Variants in SPAG16 observed in about 807,000 individuals in gnomAD.
The protein encoded by SPAG16 is sperm associated antigen 16, also known as sperm-associated antigen 16 protein.
A neutral mutation model predicts 80.4 loss-of-function variants in SPAG16; 86 were observed. The observed-to-expected ratio is 1.07, with a 90% confidence interval of 0.90 to 1.28. The LOEUF is 1.28. Among genes scored for constraint, SPAG16 ranks in the 50% most tolerant of loss-of-function variants. SPAG16 has a pLI of 0.00. For missense variants in SPAG16, 870 were observed against 765.3 expected (o/e 1.14, Z -1.61); for synonymous variants, 294 against 265.9 (o/e 1.11, Z -1.03).
rs546221142 is a variant in SPAG16 at position 213,922,367 on chromosome 2, C to G, written c.1215-7593C>G. 2.0e-5 allele frequency among the ~76,000 whole-genome samples: 3 copies of G among 152,216 alleles called. No individual in the cohort carries two copies. In the East Asian group the frequency reaches 5.8e-4, roughly 29 times the overall value. ...GCAATTCTTGTAGTATGTTTCTTAT[C>G]TCTATTAGATGAGTTTGGTTCCTTT... is the stretch of plus-strand genomic sequence containing the variant. On this transcript the variant is annotated intron_variant, in intron 11 of 15. Coordinates refer to ENST00000331683, the MANE Select transcript of SPAG16 (RefSeq NM_024532.5).
At chr2:214,032,871 A>T (rs1048750281) in intron 13 of SPAG16, among the ~76,000 whole-genome samples, 1 of 152,188 alleles carries the variant, frequency 6.6e-6, no homozygotes, top group African/African-American at 2.4e-5. Flanking sequence ...CTCTTATGGC[A>T]TAATCTAAGC....
intron 10 of SPAG16, among the ~76,000 whole-genome samples, chr2:213,779,270 C>T (rs2069794019): frequency 6.6e-6 from 1 of 152,084 alleles, no homozygotes; most frequent in Non-Finnish European, 1.5e-5. Flanking sequence ...GAATTGATAA[C>T]AGTAGTAGTA....
At chr2:214,148,535 T>C (rs1446045354) in intron 14 of SPAG16, among the ~76,000 whole-genome samples, 1 of 152,196 alleles carries the variant, frequency 6.6e-6, no homozygotes, top group Non-Finnish European at 1.5e-5. Flanking sequence ...CAGACTACAA[T>C]AGGCACCATT....
At chr2:213,711,218 A>G (rs1388825043) in intron 10 of SPAG16, among the ~76,000 whole-genome samples, 1 of 152,090 alleles carries the variant, frequency 6.6e-6, no homozygotes, top group African/African-American at 2.4e-5. Context: ...CTTTCCTCTC[A>G]GTTATCAGAT....
At chr2:213,671,778 A>C (rs531242221) in intron 10 of SPAG16, among the ~76,000 whole-genome samples, 6 of 151,030 alleles carry the variant, frequency 4.0e-5, no homozygotes, top group African/African-American at 1.5e-4. Context: ...AGCTGTGAGC[A>C]GGGCACGTTC....
intron 10 of SPAG16, among the ~76,000 whole-genome samples, chr2:213,702,848 G>C (rs910390515): frequency 6.6e-6 from 1 of 152,152 alleles, no homozygotes; most frequent in African/African-American, 2.4e-5. Flanking sequence ...ACAACAAGCT[G>C]CTAATGGGAA....
intron 13 of SPAG16, among the ~76,000 whole-genome samples, chr2:214,056,414 AT>A (rs199546150): frequency 8.6e-5 from 13 of 151,050 alleles, no homozygotes; most frequent in East Asian, 1.9e-4. Context: ...AAGTCACACA[AT>A]TTTTTTTTGT....
intron 10 of SPAG16, among the ~76,000 whole-genome samples, chr2:213,862,073 A>C (rs1207679997): frequency 6.6e-6 from 1 of 152,220 alleles, no homozygotes; most frequent in Non-Finnish European, 1.5e-5. Context: ...CTGATTTAAG[A>C]CATATTATAG....
At chr2:213,898,011 C>G (rs2077062030) in intron 11 of SPAG16, among the ~76,000 whole-genome samples, 1 of 152,122 alleles carries the variant, frequency 6.6e-6, no homozygotes, top group African/African-American at 2.4e-5. Flanking sequence ...AATTTTATCT[C>G]TTAGTACCCA....
intron 9 of SPAG16, among the ~76,000 whole-genome samples, chr2:213,463,234 A>C (rs2125621814): frequency 6.6e-6 from 1 of 152,330 alleles, no homozygotes; most frequent in East Asian, 1.9e-4. Flanking sequence ...ATTAAAGAGG[A>C]AGTAGAACAC....
chr2:213,730,992 T>C (rs980673357), intron 10 of SPAG16, among the ~76,000 whole-genome samples: 4 of 152,048 alleles, frequency 2.6e-5, no homozygotes, highest in African/African-American at 9.7e-5. Flanking sequence ...TTCTATTACA[T>C]TTTTTTATTT....
chr2:214,167,002 TAGAA>T (rs1009340490), intron 15 of SPAG16, among the ~76,000 whole-genome samples: 42 of 152,092 alleles, frequency 2.8e-4, no homozygotes, highest in African/African-American at 9.4e-4. Context: ...CCAAATGAGT[TAGAA>T]AGAGAGGAGG....
intron 15 of SPAG16, among the ~76,000 whole-genome samples, chr2:214,401,513 A>G (rs1295859308): frequency 6.6e-6 from 1 of 151,976 alleles, no homozygotes; most frequent in Non-Finnish European, 1.5e-5. Flanking sequence ...AATAAAATAT[A>G]AAATGAGTAT....
intron 11 of SPAG16, among the ~76,000 whole-genome samples, chr2:213,920,523 G>A (rs2078169328): frequency 6.6e-6 from 1 of 152,190 alleles, no homozygotes; most frequent in African/African-American, 2.4e-5. Flanking sequence ...GTAGGGAATA[G>A]GCAGGCTGGT....
chr2:213,930,047 A>C lies in SPAG16; in HGVS notation c.1302A>C (p.Gly434=). 1 of 1,614,184 alleles carries C rather than the reference A, an allele frequency of 6.2e-7. No homozygotes were observed. ...CKGDCILTFE[G]HSRAVWSCTW... is the part of the protein sequence containing the mutation. The stretch of plus-strand genomic sequence containing the variant: ...GCGATTGCATTTTGACCTTTGAAGG[A>C]CACAGCCGCGCAGTGTGGTCCTGCA... Residue 434 remains glycine, a synonymous_variant, in exon 12 of 16, where the codon GGA becomes GGC. Transcript: ENST00000331683.
intron 10 of SPAG16, among the ~76,000 whole-genome samples, chr2:213,574,156 T>G (rs574173653): frequency 6.6e-6 from 1 of 152,222 alleles, no homozygotes; most frequent in East Asian, 1.9e-4. Flanking sequence ...GGTTATATGC[T>G]ATCACTCTGT....
chr2:213,820,284 A>C (rs1453682826), intron 10 of SPAG16, among the ~76,000 whole-genome samples: 4 of 152,254 alleles, frequency 2.6e-5, no homozygotes, highest in African/African-American at 4.8e-5. Flanking sequence ...CACGTTGCCC[A>C]TAAATAGATA....
intron 10 of SPAG16, among the ~76,000 whole-genome samples, chr2:213,635,991 G>T (rs925003127): frequency 2.0e-5 from 3 of 152,100 alleles, no homozygotes; most frequent in African/African-American, 7.2e-5. Context: ...TGTTGCATTT[G>T]CTTTTGGGTA....
At chr2:213,838,489 G>A (rs1368345346) in intron 10 of SPAG16, among the ~76,000 whole-genome samples, 1 of 152,114 alleles carries the variant, frequency 6.6e-6, no homozygotes, top group African/African-American at 2.4e-5. Context: ...GACTTTATAT[G>A]CAGGAAAGAA....
Sources: allele counts gnomAD v4.1 joint callset (sites outside exome capture counted in the v4.1 genomes callset), GRCh38; gene constraint gnomAD v4.1.1; transcripts MANE v1.5; gene names NCBI Gene and HGNC (gene_info 2026-07-23, HGNC 2026-07-21).